The following PKM variants were observed in gnomAD, a reference collection of about 807,000 sequenced individuals.
PKM encodes pyruvate kinase M1/2.
Under a neutral mutation model 49.8 loss-of-function variants are expected in PKM, and 18 were observed. That is an observed-to-expected ratio of 0.36 (90% CI 0.25 to 0.54). PKM has a LOEUF of 0.54. Ranked by LOEUF, PKM falls within the 20% of genes least tolerant of loss-of-function variation. PKM has a pLI of 0.89. For missense variants in PKM, 508 were observed against 713.8 expected (o/e 0.71, Z 3.28); for synonymous variants, 239 against 261.8 (o/e 0.91, Z 0.84).
rs565676251 is a variant in PKM at position 72,200,917 on chromosome 15, C to G, written c.1308-262G>C. On this transcript the variant is annotated intron_variant, in intron 9 of 10. Coordinates refer to ENST00000335181, the MANE Select transcript of PKM (RefSeq NM_002654.6). This position sits in a 1 kb window ranked among gnomAD's most constrained non-coding sequence, Gnocchi z 4.6. ...CACCTTGACCCAGCAAGATCAGCCT[C>G]ACCCACTTACCCCACACAGCCCATG... 10 of 457,940 alleles carry G rather than the reference C, an allele frequency of 2.2e-5. No individual in the cohort carries two copies. The South Asian group carries it at 2.9e-4, about 13-fold the overall frequency. 28.4% of individuals were successfully genotyped at this position (457,940 alleles called of 1,614,324 possible). A position where few individuals can be genotyped will look rare whatever the true frequency, so the allele number is the denominator to read the frequency against.
intron 1 of PKM, among the ~76,000 whole-genome samples, chr15:72,223,917 T>TA (rs1265763633): frequency 1.6e-4 from 8 of 51,532 alleles, no homozygotes; most frequent in Non-Finnish European, 6.3e-4. Flanking sequence ...TTCCCTGGCT[T>TA]TAAAAAAAAA....
chr15:72,230,029 A>C (rs913428896), intron 1 of PKM, among the ~76,000 whole-genome samples: 2 of 152,112 alleles, frequency 1.3e-5, no homozygotes, highest in Admixed American at 1.3e-4. Context: ...CCCGCCCGTT[A>C]CGAGGCCCAA....
intron 3 of PKM, 50 bp from the exon 4 acceptor site, chr15:72,210,528 G>A: frequency 6.2e-7 from 1 of 1,610,890 alleles, no homozygotes; most frequent in African/African-American, 1.3e-5. Flanking sequence ...CTAGAATCCA[G>A]CTCCAATTCC....
intron 4 of PKM, 184 bp downstream of exon 4, chr15:72,210,163 C>T (rs960938007): frequency 1.4e-5 from 11 of 778,140 alleles, no homozygotes; most frequent in Non-Finnish European, 2.3e-5. Context: ...GGTACCATTT[C>T]CTAGCAAAGT....
chr15:72,216,515 C>T (rs1373542082), intron 3 of PKM, among the ~76,000 whole-genome samples: 1 of 152,066 alleles, frequency 6.6e-6, no homozygotes, highest in African/African-American at 2.4e-5. Flanking sequence ...CCCAGCTACT[C>T]GGGAGGCTGA....
chr15:72,225,174 G>A (rs2082634966), intron 1 of PKM, among the ~76,000 whole-genome samples: 1 of 147,216 alleles, frequency 6.8e-6, no homozygotes, highest in East Asian at 2.0e-4. Flanking sequence ...CTGACCTCGT[G>A]ATCCGCCCAC....
At chr15:72,223,225 G>A (rs1171039448) in intron 1 of PKM, among the ~76,000 whole-genome samples, 1 of 151,952 alleles carries the variant, frequency 6.6e-6, no homozygotes, top group African/African-American at 2.4e-5. Flanking sequence ...GTTGTGCTGG[G>A]AAAGATTCAC....
chr15:72,220,938 C>A (rs1172607214), intron 1 of PKM, among the ~76,000 whole-genome samples: 1 of 152,198 alleles, frequency 6.6e-6, no homozygotes, highest in Non-Finnish European at 1.5e-5. Flanking sequence ...GTTAAGGGAA[C>A]ATTACTGAGA....
chr15:72,204,656 CACTT>C (rs1195546367), intron 8 of PKM: 1 of 152,172 alleles, frequency 6.6e-6, no homozygotes, highest in African/African-American at 2.4e-5. Context: ...ACTTATCAGA[CACTT>C]AATAATAACA....
chr15:72,214,820 A>C (rs184078587), intron 3 of PKM, among the ~76,000 whole-genome samples: 93 of 151,106 alleles, frequency 6.2e-4, no homozygotes, highest in Admixed American at 3.0e-3. Context: ...ATAAATAAAT[A>C]AATCTGGAAA....
At position 72,208,861 on chromosome 15, in the gene PKM, T is replaced by C; in HGVS notation, c.596A>G (p.Asn199Ser). ...GADFLVTEVE[N>S]GGSLGSKKGV... is the part of the protein sequence containing the mutation. ...CTTCTTGCTGCCCAAGGAGCCACCA[T>C]TTTCCACCTCCGTCACCAGGAAGTC... is the stretch of plus-strand genomic sequence containing the variant. The change falls in exon 6 of 11, where the codon AAT becomes AGT. Residue 199 changes from asparagine to serine, a missense_variant. By Grantham distance (46) the Asn-to-Ser change is conservative. Transcript: ENST00000335181. 6.2e-7 allele frequency: 1 copy of C among 1,613,974 alleles called. No individual in the cohort carries two copies. The highest frequency in any genetic ancestry group is 8.5e-7 in the Non-Finnish European group (1 of 1,179,964).
Position 72,199,667 on chromosome 15 carries a change from C to G in PKM, c.1579G>C (p.Val527Leu). Residue 527 changes from valine (V) to leucine (L), a missense_variant, in exon 11 of 11, where the codon GTT (valine) becomes CTT (leucine). Val to Leu is a conservative substitution (Grantham distance 32, BLOSUM62 1). Coordinates refer to ENST00000335181, the MANE Select transcript of PKM (RefSeq NM_002654.6). The part of the protein sequence containing the change: ...PGSGFTNTMR[V>L]VPVP ...GGGGTCCATCACGGCACAGGAACAACACGCATGGTGTTGGTGAAGCCGGAG... is the reference window on the plus strand; with the variant it reads ...GGGGTCCATCACGGCACAGGAACAAGACGCATGGTGTTGGTGAAGCCGGAG... 1 of 1,613,440 alleles carries G rather than the reference C, an allele frequency of 6.2e-7. No homozygotes were observed. The highest frequency in any genetic ancestry group is 8.5e-7 in the Non-Finnish European group (1 of 1,179,586).
chr15:72,220,394 G>A (rs2082491407), intron 1 of PKM, among the ~76,000 whole-genome samples: 1 of 152,116 alleles, frequency 6.6e-6, no homozygotes, highest in Admixed American at 6.5e-5. Context: ...CTCTCTGGGT[G>A]GCTCGAGTAG....
intron 3 of PKM, among the ~76,000 whole-genome samples, chr15:72,212,758 A>G (rs1283103992): frequency 1.3e-5 from 2 of 152,136 alleles, no homozygotes; most frequent in South Asian, 2.1e-4. Flanking sequence ...ATTTAGCTAT[A>G]TTTAGGTTGT....
Position 72,209,778 on chromosome 15 carries a change from C to T in PKM, c.460G>A (p.Glu154Lys), listed in dbSNP as rs1327991859. Residue 154 changes from glutamate (E) to lysine (K), a missense_variant, in exon 5 of 11, where the codon GAG becomes AAG. By Grantham distance (56) the Glu-to-Lys change is moderately conservative. Coordinates refer to ENST00000335181, the MANE Select transcript of PKM (RefSeq NM_002654.6). ...TTGTAGTCCAGCCACAGGATGTTCT[C>T]GTCACACTTTTCCATGTAGGCGTTA... is the stretch of plus-strand genomic sequence containing the variant. ...LDNAYMEKCD[E>K]NILWLDYKNI... 5.0e-6 allele frequency: 8 copies of T among 1,614,060 alleles called. No individual in the cohort carries two copies. The highest frequency in any genetic ancestry group is 1.1e-5 in the South Asian group (1 of 91,082).
intron 1 of PKM, among the ~76,000 whole-genome samples, chr15:72,226,158 T>C (rs1166032157): frequency 6.6e-6 from 1 of 152,244 alleles, no homozygotes; most frequent in Non-Finnish European, 1.5e-5. Context: ...ACAGTGTGTC[T>C]TATGTGCCCT....
chr15:72,208,536 G>A (rs2082144087), intron 6 of PKM, 85 bp downstream of exon 6: 2 of 1,430,292 alleles, frequency 1.4e-6, no homozygotes, highest in South Asian at 2.3e-5. Context: ...TGATGGGCTA[G>A]GGGCTGGGAA....
chr15:72,216,362 T>A (rs535768165), intron 3 of PKM, among the ~76,000 whole-genome samples: 4 of 152,218 alleles, frequency 2.6e-5, no homozygotes, highest in Non-Finnish European at 4.4e-5. Context: ...AGGCTGAGCA[T>A]GGTAGCTCAT....
At chr15:72,221,168 C>T in intron 1 of PKM, 3 of 1,516,162 alleles carry the variant, frequency 2.0e-6, no homozygotes, top group Non-Finnish European at 2.7e-6. Flanking sequence ...CAGGTCATAC[C>T]TTTGGTTCTC....
Sources: allele counts gnomAD v4.1 joint callset (sites outside exome capture counted in the v4.1 genomes callset), GRCh38; gene constraint gnomAD v4.1.1; non-coding constraint Gnocchi (gnomAD v3.1); transcripts MANE v1.5; gene names NCBI Gene and HGNC (gene_info 2026-07-23, HGNC 2026-07-21).